PLBD1: variants seen among roughly 807,000 people sequenced by gnomAD.
The protein encoded by PLBD1 is phospholipase B domain containing 1, also known as lysosomal leucine aminopeptidase.
In PLBD1, 60 loss-of-function variants were observed where a neutral mutation model predicts 63.0. The observed-to-expected ratio is 0.95, with a 90% CI of 0.77 to 1.18. The LOEUF is 1.18. Ranked by LOEUF, PLBD1 falls within the 50% of genes most tolerant of loss-of-function variation. PLBD1 has a pLI of 0.00. For missense variants in PLBD1, 598 were observed against 677.9 expected (o/e 0.88, Z 1.31); for synonymous variants, 262 against 248.0 (o/e 1.06, Z -0.53).
At chr12:14,508,322 T>C (rs1005932593) in intron 8 of PLBD1, among the ~76,000 whole-genome samples, 1 of 152,250 alleles carries the variant, frequency 6.6e-6, no homozygotes, top group African/African-American at 2.4e-5. Context: ...TTCATAAGCA[T>C]GAGCATGAAA....
intron 6 of PLBD1, among the ~76,000 whole-genome samples, chr12:14,523,585 A>G (rs1033195184): frequency 6.6e-6 from 1 of 152,222 alleles, no homozygotes; most frequent in Non-Finnish European, 1.5e-5. Flanking sequence ...AATATACTAC[A>G]AAGTTATAAT....
chr12:14,541,402 C>T (rs541164386), intron 3 of PLBD1, among the ~76,000 whole-genome samples: 3 of 152,296 alleles, frequency 2.0e-5, no homozygotes, highest in East Asian at 1.9e-4. Context: ...TATTAGTAAC[C>T]GCTTCAATGC....
At position 14,503,907 on chromosome 12, in the gene PLBD1, A is replaced by G. The variant is rs1346324135; in HGVS notation, c.1527T>C (p.Ser509=). The G allele has an allele frequency of 6.2e-7, 1 of 1,613,992 alleles. No homozygotes were observed. The highest frequency in any genetic ancestry group is 2.2e-5 in the East Asian group (1 of 44,892). The change falls in exon 11 of 11, where the codon AGT becomes AGC. Residue 509 remains serine (S), a synonymous_variant. Coordinates refer to ENST00000240617, the MANE Select transcript of PLBD1 (RefSeq NM_024829.6). The part of the protein sequence containing the change: ...LASQYTSYAI[S]GPTVQGGLPV... ...GGAGGCCACCTTGTACTGTGGGACC[A>G]CTTATGGCATAGGATGTGTACTGAG...
At chr12:14,521,018 G>A (rs1374491505) in intron 6 of PLBD1, among the ~76,000 whole-genome samples, 3 of 152,078 alleles carry the variant, frequency 2.0e-5, no homozygotes, top group Non-Finnish European at 4.4e-5. Flanking sequence ...TGCTCTGGAG[G>A]GCCAGTAACC....
intron 6 of PLBD1, among the ~76,000 whole-genome samples, chr12:14,529,831 T>C (rs1272145723): frequency 1.3e-5 from 2 of 152,192 alleles, no homozygotes; most frequent in Admixed American, 1.3e-4. Context: ...TCAAACTGTC[T>C]TTATTTAGAG....
rs376386906 is a variant in PLBD1 at position 14,556,377 on chromosome 12, C to CT, written c.116-2966dup. Among the ~76,000 whole-genome samples, 1,014 of 147,940 alleles carry CT rather than the reference C, an allele frequency of 6.9e-3. 13 individuals are homozygous for CT. Among genetic ancestry groups the CT allele is most frequent in the African/African-American group, 0.024 (973 of 40,360 alleles). On this transcript the variant is annotated intron_variant, in intron 1 of 10. Coordinates refer to ENST00000240617, the MANE Select transcript of PLBD1 (RefSeq NM_024829.6). ...GTTCCAAACTGGACCAACATTTTACCTTTTTTTTTTGAGATGGAGTTTCCC... is the reference window on the plus strand; with the variant it reads ...GTTCCAAACTGGACCAACATTTTACCTTTTTTTTTTTGAGATGGAGTTTCCC...
chr12:14,540,015 TATATATATATATA>T (rs1945554840), intron 4 of PLBD1, among the ~76,000 whole-genome samples: 4 of 10,876 alleles, frequency 3.7e-4, no homozygotes, highest in Non-Finnish European at 9.5e-4. Context: ...GCTATGCACA[TATATATATATATA>T]TATATATATA....
chr12:14,526,997 C>G (rs953663564), intron 6 of PLBD1, among the ~76,000 whole-genome samples: 5 of 151,916 alleles, frequency 3.3e-5, no homozygotes, highest in African/African-American at 7.3e-5. Context: ...AAGAAAAACA[C>G]CCAACATACA....
chr12:14,507,547 G>A (rs946166689), intron 8 of PLBD1, among the ~76,000 whole-genome samples: 2 of 152,224 alleles, frequency 1.3e-5, no homozygotes, highest in African/African-American at 4.8e-5. Flanking sequence ...TGGTAATCAT[G>A]AAGTAGTGGA....
At chr12:14,541,156 T>C (rs1945568217) in intron 3 of PLBD1, among the ~76,000 whole-genome samples, 1 of 152,224 alleles carries the variant, frequency 6.6e-6, no homozygotes, top group Non-Finnish European at 1.5e-5. Context: ...AGTGTGATAG[T>C]GACCTAACTG....
chr12:14,539,934 G>A (rs1334978828), intron 4 of PLBD1, among the ~76,000 whole-genome samples: 1 of 143,818 alleles, frequency 7.0e-6, no homozygotes, highest in Non-Finnish European at 1.5e-5. Context: ...ATGTATATAT[G>A]TGTGTATATA....
At chr12:14,508,852 C>G (rs1284582445) in intron 8 of PLBD1, among the ~76,000 whole-genome samples, 1 of 152,056 alleles carries the variant, frequency 6.6e-6, no homozygotes, top group African/African-American at 2.4e-5. Flanking sequence ...CTTTTTTAAA[C>G]AGAAGAAACA....
chr12:14,534,637 G>A (rs1592001835), intron 6 of PLBD1, among the ~76,000 whole-genome samples: 2 of 150,516 alleles, frequency 1.3e-5, no homozygotes, highest in Admixed American at 6.7e-5. Context: ...TCCGCCTCCC[G>A]GGTTCACGCC....
chr12:14,512,232 C>G (rs1378054615), intron 6 of PLBD1, among the ~76,000 whole-genome samples: 1 of 151,408 alleles, frequency 6.6e-6, no homozygotes, highest in Non-Finnish European at 1.5e-5. Flanking sequence ...TCACTGCAAC[C>G]TTGCCTCCTG....
chr12:14,505,841 C>T (rs1945250338), intron 10 of PLBD1, among the ~76,000 whole-genome samples: 1 of 152,208 alleles, frequency 6.6e-6, no homozygotes, highest in Non-Finnish European at 1.5e-5. Flanking sequence ...TTACAAATAA[C>T]TCACTAAGTG....
At chr12:14,549,950 G>A (rs1945644272) in intron 2 of PLBD1, among the ~76,000 whole-genome samples, 1 of 152,180 alleles carries the variant, frequency 6.6e-6, no homozygotes, top group South Asian at 2.1e-4. Flanking sequence ...TTACAGGCGT[G>A]AGACACCGTG....
intron 6 of PLBD1, among the ~76,000 whole-genome samples, chr12:14,527,617 T>C (rs1001314306): frequency 1.3e-5 from 2 of 152,152 alleles, no homozygotes; most frequent in African/African-American, 4.8e-5. Flanking sequence ...ATTAAAGACA[T>C]GCTATGGTAA....
intron 1 of PLBD1, among the ~76,000 whole-genome samples, chr12:14,562,217 G>C (rs1309699067): frequency 6.6e-6 from 1 of 152,016 alleles, no homozygotes; most frequent in East Asian, 1.9e-4. Flanking sequence ...CCAGCACTTT[G>C]GAGGCCAAGG....
intron 2 of PLBD1, among the ~76,000 whole-genome samples, chr12:14,546,726 GC>G (rs1356279148): frequency 2.6e-5 from 4 of 152,168 alleles, no homozygotes; most frequent in African/African-American, 9.7e-5. Flanking sequence ...TGTCAATATT[GC>G]CTAGATGGGA....
Sources: gnomAD v4.1 joint callset for allele counts (sites outside exome capture counted in the v4.1 genomes callset) on GRCh38, gnomAD v4.1.1 for gene constraint, MANE v1.5 for transcripts, NCBI Gene and HGNC (gene_info 2026-07-23, HGNC 2026-07-21) for gene names.